KIAA1217: variants seen among roughly 807,000 people sequenced by gnomAD.
KIAA1217 encodes sickle tail protein homolog.
A neutral mutation model predicts 163.9 loss-of-function variants in KIAA1217; 88 were observed. That is an observed-to-expected ratio of 0.54 (90% CI 0.45 to 0.64). KIAA1217 has a LOEUF of 0.64. Ranked by LOEUF, KIAA1217 falls within the 30% of genes least tolerant of loss-of-function variation. The pLI, the probability that KIAA1217 is intolerant of heterozygous loss-of-function variation, is 0.00. For missense variants in KIAA1217, 2,372 were observed against 2,475.0 expected, an observed-to-expected ratio of 0.96 and a Z score of 0.88; for synonymous variants, 903 against 923.1, an observed-to-expected ratio of 0.98 and a Z score of 0.39.
chr10:23,992,311 A>G (rs1204485911), intron 1 of KIAA1217, among the ~76,000 whole-genome samples: 5 of 152,246 alleles, frequency 3.3e-5, no homozygotes, highest in Non-Finnish European at 7.3e-5. Context: ...CAGCCAAGAA[A>G]TAGAAATAGA....
intron 2 of KIAA1217, among the ~76,000 whole-genome samples, chr10:24,370,180 G>T (rs78916978): frequency 6.6e-6 from 1 of 150,708 alleles, no homozygotes; most frequent in Non-Finnish European, 1.5e-5. Context: ...CAGGAGAATG[G>T]TGTGAACCCG....
chr10:24,197,601 T>C (rs1482467787), intron 2 of KIAA1217, among the ~76,000 whole-genome samples: 1 of 152,268 alleles, frequency 6.6e-6, no homozygotes, highest in Non-Finnish European at 1.5e-5. Context: ...CTACCCTATG[T>C]GCAATTTAAT....
intron 2 of KIAA1217, among the ~76,000 whole-genome samples, chr10:24,230,309 CT>C (rs2131066172): frequency 6.6e-6 from 1 of 152,162 alleles, no homozygotes; most frequent in South Asian, 2.1e-4. Flanking sequence ...TATATACTTA[CT>C]GGTTGAGCAT....
chr10:23,860,225 AG>A (rs1839888907), intron 1 of KIAA1217, among the ~76,000 whole-genome samples: 1 of 146,936 alleles, frequency 6.8e-6, no homozygotes, highest in African/African-American at 2.7e-5. Context: ...AATGCAGCTG[AG>A]GTAAATGCAC....
At chr10:23,900,715 A>G (rs1444340476) in intron 1 of KIAA1217, among the ~76,000 whole-genome samples, 1 of 152,078 alleles carries the variant, frequency 6.6e-6, no homozygotes, top group Non-Finnish European at 1.5e-5. Context: ...CCTCTAAGGT[A>G]CCATCAAAGG....
At chr10:24,049,878 G>A (rs1383086623) in intron 2 of KIAA1217, among the ~76,000 whole-genome samples, 3 of 152,078 alleles carry the variant, frequency 2.0e-5, no homozygotes, top group Non-Finnish European at 1.5e-5. Flanking sequence ...TTGAGGAATC[G>A]CCACACTGTC....
intron 17 of KIAA1217, among the ~76,000 whole-genome samples, chr10:24,540,741 C>G (rs1196377706): frequency 1.3e-5 from 2 of 152,106 alleles, no homozygotes; most frequent in Admixed American, 1.3e-4. Flanking sequence ...TAGGCTGAAA[C>G]CTTTTTTTTA....
At chr10:23,875,823 ATCAT>A (rs1411770638) in intron 1 of KIAA1217, among the ~76,000 whole-genome samples, 1 of 151,970 alleles carries the variant, frequency 6.6e-6, no homozygotes, top group Non-Finnish European at 1.5e-5. Context: ...GCTGGGAACC[ATCAT>A]TCTAAGCAAA....
intron 1 of KIAA1217, among the ~76,000 whole-genome samples, chr10:23,723,494 A>C (rs1367321435): frequency 6.6e-6 from 1 of 152,230 alleles, no homozygotes; most frequent in African/African-American, 2.4e-5. Flanking sequence ...TAAGAAAAAA[A>C]CAAGTAAGTC....
At chr10:23,776,249 AG>A (rs1835002210) in intron 1 of KIAA1217, among the ~76,000 whole-genome samples, 1 of 152,118 alleles carries the variant, frequency 6.6e-6, no homozygotes, top group Admixed American at 6.6e-5. Context: ...TCTTCCCCAA[AG>A]GACACTGGTA....
At chr10:24,186,661 C>T (rs1388945134) in intron 2 of KIAA1217, among the ~76,000 whole-genome samples, 6 of 152,160 alleles carry the variant, frequency 3.9e-5, no homozygotes, top group Non-Finnish European at 8.8e-5. Flanking sequence ...GAGGCTGAGG[C>T]GGGCAGATCA....
chr10:24,441,120 G>A (rs59405056), intron 5 of KIAA1217, among the ~76,000 whole-genome samples: 13,966 of 152,204 alleles, frequency 0.092, 2,149 homozygotes, highest in African/African-American at 0.32. Context: ...ACGCTGCAGC[G>A]TGGGGTTAGG....
intron 5 of KIAA1217, among the ~76,000 whole-genome samples, chr10:24,458,168 G>T (rs563448705): frequency 3.9e-5 from 6 of 152,238 alleles, no homozygotes; most frequent in Non-Finnish European, 7.3e-5. Flanking sequence ...CTCCCAAACT[G>T]GTTGTCTTTG....
chr10:23,984,933 A>T (rs1304311981), intron 1 of KIAA1217, among the ~76,000 whole-genome samples: 1 of 152,128 alleles, frequency 6.6e-6, no homozygotes. Context: ...TATTAAAAAA[A>T]AAAAAGCCTT....
chr10:24,430,039 A>G (rs2059470316), intron 3 of KIAA1217, among the ~76,000 whole-genome samples: 1 of 152,134 alleles, frequency 6.6e-6, no homozygotes, highest in Non-Finnish European at 1.5e-5. Flanking sequence ...CCAGGTACTC[A>G]GGGGGCTGAG....
At chr10:23,882,781 A>G (rs2131193386) in intron 1 of KIAA1217, among the ~76,000 whole-genome samples, 1 of 152,106 alleles carries the variant, frequency 6.6e-6, no homozygotes, top group African/African-American at 2.4e-5. Context: ...GTGTGTTTAT[A>G]AACCCTGCTC....
chr10:24,134,514 C>A (rs538911025), intron 2 of KIAA1217, among the ~76,000 whole-genome samples: 2 of 152,282 alleles, frequency 1.3e-5, no homozygotes, highest in African/African-American at 4.8e-5. Context: ...CTGACCTTCA[C>A]AGTAGGTAGT....
At chr10:24,276,353 A>ATT (rs569838592) in intron 2 of KIAA1217, among the ~76,000 whole-genome samples, 65 of 152,340 alleles carry the variant, frequency 4.3e-4, no homozygotes, top group African/African-American at 1.3e-3. Context: ...ATGACTTAGA[A>ATT]TTCCATCTCG....
intron 1 of KIAA1217, among the ~76,000 whole-genome samples, chr10:23,919,799 C>A (rs918635725): frequency 6.6e-6 from 1 of 152,074 alleles, no homozygotes; most frequent in Non-Finnish European, 1.5e-5. Context: ...AGAGAGCTGA[C>A]CTGAATCTAG....
Sources: gnomAD v4.1 joint callset for allele counts (sites outside exome capture counted in the v4.1 genomes callset) on GRCh38, gnomAD v4.1.1 for gene constraint, MANE v1.5 for transcripts, NCBI Gene and HGNC (gene_info 2026-07-23, HGNC 2026-07-21) for gene names.